FSHR: variants seen among roughly 807,000 people sequenced by gnomAD.
The protein encoded by FSHR is follicle stimulating hormone receptor, also known as follicle-stimulating hormone receptor.
In FSHR, 46 loss-of-function variants were observed where a neutral mutation model predicts 52.1. The observed-to-expected ratio is 0.88, with a 90% CI of 0.70 to 1.13. FSHR has a LOEUF of 1.13. Ranked by LOEUF, FSHR falls within the 50% of genes most tolerant of loss-of-function variation. The pLI, the probability that FSHR is intolerant of heterozygous loss-of-function variation, is 0.00. For synonymous variants in FSHR, 399 were observed against 309.6 expected, an observed-to-expected ratio of 1.29 and a Z score of -3.03; for missense variants, 964 against 834.6, an observed-to-expected ratio of 1.16 and a Z score of -1.91.
At chr2:49,072,923 C>T (rs1669790460) in intron 1 of FSHR, among the ~76,000 whole-genome samples, 2 of 152,204 alleles carry the variant, frequency 1.3e-5, no homozygotes, top group South Asian at 4.1e-4. Flanking sequence ...ATTTTAACCA[C>T]CAACCTTCTG....
Position 48,962,584 on chromosome 2 carries a change from A to T in FSHR, c.*149T>A, listed in dbSNP as rs1167595173. 8 of 739,698 alleles carry T rather than the reference A, an allele frequency of 1.1e-5. No homozygotes were observed. Among genetic ancestry groups the T allele is most frequent in the Non-Finnish European group, 1.6e-5 (7 of 443,028 alleles). The allele number at this position is 739,698 out of a possible 1,614,324, so 45.8% of individuals were successfully genotyped here. ...GCTTCCTAATGTATCACATGGAATT[A>T]ATAGTTCCTGACCAATTTACCTTAA... On this transcript the variant is annotated 3_prime_UTR_variant, in exon 10 of 10. Coordinates refer to ENST00000406846, the MANE Select transcript of FSHR (RefSeq NM_000145.4).
At chr2:49,055,667 C>G (rs1441788533) in intron 2 of FSHR, among the ~76,000 whole-genome samples, 1 of 151,402 alleles carries the variant, frequency 6.6e-6, no homozygotes, top group Non-Finnish European at 1.5e-5. Context: ...AGAGAAAAGC[C>G]TCAAGTCACA....
intron 1 of FSHR, among the ~76,000 whole-genome samples, chr2:49,129,959 A>C (rs12713036): frequency 0.48 from 72,323 of 151,910 alleles, 18,205 homozygotes; most frequent in East Asian, 0.71. Context: ...TCTATTTCTC[A>C]ATTTCCTTAA....
At chr2:48,985,150 G>A (rs1481888336) in intron 6 of FSHR, among the ~76,000 whole-genome samples, 1 of 151,994 alleles carries the variant, frequency 6.6e-6, no homozygotes, top group Non-Finnish European at 1.5e-5. Context: ...CAACAACCTG[G>A]GCAGAACATC....
intron 9 of FSHR, among the ~76,000 whole-genome samples, chr2:48,966,672 G>T (rs765967288): frequency 6.6e-6 from 1 of 152,130 alleles, no homozygotes; most frequent in Non-Finnish European, 1.5e-5. Flanking sequence ...CACTATTGAA[G>T]GAATAAATCT....
intron 1 of FSHR, among the ~76,000 whole-genome samples, chr2:49,087,357 C>T (rs1012898173): frequency 1.3e-5 from 2 of 151,858 alleles, no homozygotes; most frequent in Non-Finnish European, 2.9e-5. Flanking sequence ...AACAAGAAAG[C>T]CAGAGAGGGG....
chr2:49,087,070 G>T (rs1042781699), intron 1 of FSHR, among the ~76,000 whole-genome samples: 2 of 86,730 alleles, frequency 2.3e-5, no homozygotes, highest in Non-Finnish European at 2.1e-5. Context: ...TGTGGGCAGG[G>T]TTTTTTTTTT....
intron 4 of FSHR, chr2:49,014,704 C>T (rs912063957): frequency 4.2e-5 from 10 of 239,228 alleles, no homozygotes; most frequent in Non-Finnish European, 7.7e-5. Flanking sequence ...TACCTGTTTC[C>T]AATCCGCATT....
intron 1 of FSHR, among the ~76,000 whole-genome samples, chr2:49,119,671 A>C (rs555299820): frequency 1.3e-5 from 2 of 152,174 alleles, no homozygotes; most frequent in Non-Finnish European, 2.9e-5. Flanking sequence ...ATCCCAGGTA[A>C]CATATATCAC....
At chr2:48,999,470 T>C (rs1365902690) in intron 4 of FSHR, among the ~76,000 whole-genome samples, 1 of 152,062 alleles carries the variant, frequency 6.6e-6, no homozygotes, top group African/African-American at 2.4e-5. Context: ...ATTATGAGAG[T>C]TGCCCAAGAA....
At chr2:49,127,735 T>G in intron 1 of FSHR, among the ~76,000 whole-genome samples, 1 of 135,772 alleles carries the variant, frequency 7.4e-6, no homozygotes, top group African/African-American at 2.7e-5. Context: ...GATTTGTGCA[T>G]GATTTCTTCT....
At chr2:49,028,362 C>G (rs577441770) in intron 2 of FSHR, among the ~76,000 whole-genome samples, 2 of 152,332 alleles carry the variant, frequency 1.3e-5, no homozygotes, top group Admixed American at 1.3e-4. Context: ...GGTTGACACA[C>G]ATGTGTGAGT....
At chr2:48,974,350 C>T (rs986131069) in intron 8 of FSHR, among the ~76,000 whole-genome samples, 3 of 152,140 alleles carry the variant, frequency 2.0e-5, no homozygotes, top group Non-Finnish European at 4.4e-5. Context: ...ATTGCCTTTC[C>T]GTTGCTCAGT....
At chr2:49,071,133 A>G (rs903539997) in intron 1 of FSHR, among the ~76,000 whole-genome samples, 1 of 152,196 alleles carries the variant, frequency 6.6e-6, no homozygotes, top group Admixed American at 6.6e-5. Flanking sequence ...AGTATAGAAT[A>G]TGGAGAACTG....
intron 1 of FSHR, among the ~76,000 whole-genome samples, chr2:49,093,728 A>T (rs1670708041): frequency 1.3e-5 from 2 of 151,244 alleles, no homozygotes; most frequent in Admixed American, 1.3e-4. Flanking sequence ...CCAAGCAGCT[A>T]GGATTACAGG....
chr2:49,042,372 A>G (rs1668508559), intron 2 of FSHR, among the ~76,000 whole-genome samples: 1 of 152,160 alleles, frequency 6.6e-6, no homozygotes. Context: ...TTTGCATGCT[A>G]AAGAAGGAAT....
intron 4 of FSHR, among the ~76,000 whole-genome samples, chr2:49,013,806 C>T (rs2104198224): frequency 2.0e-5 from 3 of 152,006 alleles, no homozygotes; most frequent in Admixed American, 2.0e-4. Context: ...ATGTTGGAAC[C>T]TAACCCTCAA....
intron 4 of FSHR, among the ~76,000 whole-genome samples, chr2:48,998,071 T>A (rs1227134650): frequency 6.6e-6 from 1 of 152,116 alleles, no homozygotes; most frequent in Non-Finnish European, 1.5e-5. Flanking sequence ...CACTTAGAGG[T>A]TTGTTGAAGT....
At chr2:49,069,033 G>T (rs923228488) in intron 1 of FSHR, among the ~76,000 whole-genome samples, 1 of 151,976 alleles carries the variant, frequency 6.6e-6, no homozygotes, top group Non-Finnish European at 1.5e-5. Context: ...GCTGACTTCA[G>T]CTTTTGCCGT....
Sources: allele counts gnomAD v4.1 joint callset (sites outside exome capture counted in the v4.1 genomes callset), GRCh38; gene constraint gnomAD v4.1.1; transcripts MANE v1.5; gene names NCBI Gene and HGNC (gene_info 2026-07-23, HGNC 2026-07-21).